The following DPYD variants were observed in gnomAD, a reference collection of about 807,000 sequenced individuals.
DPYD encodes dihydropyrimidine dehydrogenase [NADP(+)].
Under a neutral mutation model 116.2 loss-of-function variants are expected in DPYD, and 109 were observed. The ratio of observed to expected loss-of-function variants is 0.94; its 90% CI spans 0.80 to 1.10. The LOEUF is 1.10. DPYD is among the 50% of genes least tolerant of loss of function. The pLI, the probability that DPYD is intolerant of heterozygous loss-of-function variation, is 0.00. For missense variants in DPYD, 1,302 were observed against 1,254.5 expected (o/e 1.04, Z -0.57); for synonymous variants, 440 against 432.0 (o/e 1.02, Z -0.23).
intron 20 of DPYD, among the ~76,000 whole-genome samples, chr1:97,149,554 A>G (rs946230832): frequency 5.3e-5 from 8 of 152,160 alleles, no homozygotes; most frequent in Admixed American, 4.6e-4. Context: ...CGTCCAGCTG[A>G]TAACTTTTGT....
At chr1:97,682,290 G>C (rs1275331598) in intron 7 of DPYD, among the ~76,000 whole-genome samples, 2 of 151,820 alleles carry the variant, frequency 1.3e-5, no homozygotes, top group Non-Finnish European at 2.9e-5. Context: ...AGCAAGACTT[G>C]ACTTTACCAT....
intron 14 of DPYD, among the ~76,000 whole-genome samples, chr1:97,384,970 T>G (rs1236242648): frequency 1.3e-5 from 2 of 152,088 alleles, no homozygotes; most frequent in African/African-American, 4.8e-5. Context: ...ATTCAATTTT[T>G]TTCGTCTAGT....
At chr1:97,697,839 G>C (rs1661391577) in intron 6 of DPYD, among the ~76,000 whole-genome samples, 1 of 151,958 alleles carries the variant, frequency 6.6e-6, no homozygotes, top group Non-Finnish European at 1.5e-5. Flanking sequence ...AATAGGGTTG[G>C]TTCCATTTTA....
intron 18 of DPYD, among the ~76,000 whole-genome samples, chr1:97,247,560 G>A (rs1662800184): frequency 1.3e-5 from 2 of 152,176 alleles, no homozygotes; most frequent in Admixed American, 6.6e-5. Flanking sequence ...TATAGCCACT[G>A]AGTAGGCATG....
intron 3 of DPYD, among the ~76,000 whole-genome samples, chr1:97,783,898 T>G (rs530542547): frequency 6.6e-6 from 1 of 152,312 alleles, no homozygotes; most frequent in Admixed American, 6.5e-5. Context: ...AAATCTCTCA[T>G]GCTTCCAATA....
chr1:97,587,298 G>C (rs937826154), intron 10 of DPYD, among the ~76,000 whole-genome samples: 1 of 152,142 alleles, frequency 6.6e-6, no homozygotes, highest in Non-Finnish European at 1.5e-5. Context: ...GTGAGTGTTC[G>C]TTTTCAGCTA....
chr1:97,705,592 A>T (rs1210700186), intron 5 of DPYD, among the ~76,000 whole-genome samples: 2 of 151,910 alleles, frequency 1.3e-5, no homozygotes, highest in African/African-American at 4.8e-5. Flanking sequence ...CGCAATAAAC[A>T]TACGTGTGCA....
chr1:97,830,470 T>C (rs1354327115), intron 2 of DPYD, among the ~76,000 whole-genome samples: 1 of 151,812 alleles, frequency 6.6e-6, no homozygotes, highest in African/African-American at 2.4e-5. Context: ...TCCCAGCACT[T>C]TGGGAGGCCG....
At chr1:97,118,217 A>G (rs1652133522) in intron 20 of DPYD, among the ~76,000 whole-genome samples, 1 of 151,982 alleles carries the variant, frequency 6.6e-6, no homozygotes, top group Non-Finnish European at 1.5e-5. Context: ...GACATCCCTT[A>G]GAGGCCAGCA....
intron 8 of DPYD, among the ~76,000 whole-genome samples, chr1:97,664,767 T>A (rs1659469911): frequency 6.6e-6 from 1 of 152,058 alleles, no homozygotes; most frequent in Non-Finnish European, 1.5e-5. Flanking sequence ...TAATGCTGCC[T>A]TTATGAATTT....
chr1:97,215,969 C>T (rs1660361990), intron 19 of DPYD, among the ~76,000 whole-genome samples: 1 of 152,160 alleles, frequency 6.6e-6, no homozygotes, highest in South Asian at 2.1e-4. Flanking sequence ...TTAATGTTCT[C>T]CTGGTAATGC....
chr1:97,324,468 G>A (rs1037807706), intron 16 of DPYD, among the ~76,000 whole-genome samples: 7 of 151,954 alleles, frequency 4.6e-5, no homozygotes, highest in African/African-American at 1.2e-4. Context: ...ACACTTTTAC[G>A]GCAGGTGTAT....
Position 97,595,078 on chromosome 1 carries a change from T to C in DPYD, c.939A>G (p.Val313=). Reference sequence around the variant, plus strand: ...TTATACCTGCTTTACTGCCTTTGGCTACAAGTGGCAAAAAGTCTTTGGATG... The same window carrying C: ...TTATACCTGCTTTACTGCCTTTGGCCACAAGTGGCAAAAAGTCTTTGGATG... The part of the protein sequence containing the change: ...FYTSKDFLPL[V]AKGSKAGMCA... Residue 313 remains valine, a synonymous_variant, in exon 9 of 23, where the codon GTA becomes GTG. Coordinates refer to ENST00000370192, the MANE Select transcript of DPYD (RefSeq NM_000110.4). 1.2e-6 allele frequency: 2 copies of C among 1,613,506 alleles called. No individual in the cohort carries two copies. Among genetic ancestry groups the C allele is most frequent in the Non-Finnish European group, 1.7e-6 (2 of 1,179,524 alleles).
intron 12 of DPYD, among the ~76,000 whole-genome samples, chr1:97,532,459 A>T (rs1649696730): frequency 1.3e-5 from 2 of 152,118 alleles, no homozygotes; most frequent in Admixed American, 6.6e-5. Flanking sequence ...AAGGATATTA[A>T]TTCTTCTTTA....
chr1:97,328,858 G>A (rs1668839748), intron 16 of DPYD, among the ~76,000 whole-genome samples: 1 of 152,066 alleles, frequency 6.6e-6, no homozygotes. Flanking sequence ...AAATTTTACT[G>A]TGATTATGTT....
chr1:97,705,522 C>T (rs1661890834), intron 5 of DPYD, among the ~76,000 whole-genome samples: 1 of 151,884 alleles, frequency 6.6e-6, no homozygotes, highest in Non-Finnish European at 1.5e-5. Flanking sequence ...TTTTCTTAAT[C>T]CAGTCTATCA....
chr1:97,375,096 A>G (rs912040075), intron 15 of DPYD, among the ~76,000 whole-genome samples: 3 of 152,016 alleles, frequency 2.0e-5, no homozygotes, highest in Non-Finnish European at 4.4e-5. Flanking sequence ...GCTGATTCAA[A>G]TTTTATATTC....
chr1:97,876,202 A>G (rs1671908998), intron 2 of DPYD, among the ~76,000 whole-genome samples: 1 of 152,042 alleles, frequency 6.6e-6, no homozygotes, highest in South Asian at 2.1e-4. Context: ...AATCCCACAG[A>G]GTGAGCCAGC....
intron 14 of DPYD, among the ~76,000 whole-genome samples, chr1:97,384,246 G>GGA (rs368809814): frequency 7.2e-6 from 1 of 138,538 alleles, no homozygotes; most frequent in Admixed American, 7.2e-5. Flanking sequence ...TTTACTTTGA[G>GGA]AAAAAAAAAA....
Sources: gnomAD v4.1 joint callset for allele counts (sites outside exome capture counted in the v4.1 genomes callset) on GRCh38, gnomAD v4.1.1 for gene constraint, MANE v1.5 for transcripts, NCBI Gene and HGNC (gene_info 2026-07-23, HGNC 2026-07-21) for gene names.